Variants in SLCO1C1 observed in about 807,000 individuals in gnomAD.
SLCO1C1 encodes the protein solute carrier organic anion transporter family member 1C1, also known as OAT-RP-5.
In SLCO1C1, 70 loss-of-function variants were observed where a neutral mutation model predicts 76.4. The ratio of observed to expected loss-of-function variants is 0.92; its 90% confidence interval spans 0.76 to 1.12. SLCO1C1 has a LOEUF of 1.12. SLCO1C1 is among the 50% of genes most tolerant of loss of function. The probability of loss-of-function intolerance (pLI) is 0.00; values close to 1 mark genes in which losing one functional copy is unlikely to be tolerated. For synonymous variants in SLCO1C1, 306 were observed against 286.1 expected (o/e 1.07, Z -0.70); for missense variants, 912 against 823.8 (o/e 1.11, Z -1.31).
At chr12:20,721,698 T>TATTTTATGATGTTATAGAGTTTTGCAAG in intron 7 of SLCO1C1, 106 bp from the exon 8 acceptor site, 1 of 1,304,610 alleles carries the variant, frequency 7.7e-7, no homozygotes, top group Non-Finnish European at 1.0e-6. Context: ...AATTATTAGG[T>TATTTTATGATGTTATAGAGTTTTGCAAG]ATTTTATGAT....
rs1279645239 is a variant in SLCO1C1, at chr12:20,723,400, C to G, written c.1186+146C>G. On this transcript the variant is annotated intron_variant, in intron 9 of 14. Coordinates refer to ENST00000266509, the MANE Select transcript of SLCO1C1 (RefSeq NM_017435.5). ...TCAAAAAGTAACAAGAATGTTGTAG[C>G]AAGAATTATTCACATCTGTGGGTAA... The G allele has an allele frequency of 3.0e-6, 3 of 994,402 alleles. No individual in the cohort carries two copies. The East Asian group carries it at 8.1e-5, about 27-fold the overall frequency. 61.6% of individuals were successfully genotyped at this position (994,402 alleles called of 1,614,324 possible).
chr12:20,695,644 C>T lies in SLCO1C1; in HGVS notation c.-189C>T, dbSNP rs2120566601. On this transcript the variant is annotated 5_prime_UTR_variant, in exon 1 of 15. Transcript: ENST00000266509. ...CCATGCCCTTCATCTTTTCTTTTCCCTAATCTCCTCTGCTTGTGTCCACCC... is the reference window on the plus strand; with the variant it reads ...CCATGCCCTTCATCTTTTCTTTTCCTTAATCTCCTCTGCTTGTGTCCACCC... 1 of 152,102 alleles carries T rather than the reference C, an allele frequency of 6.6e-6. No homozygotes were observed. The highest frequency in any genetic ancestry group is 6.6e-5 in the Admixed American group (1 of 15,256). The allele number at this position is 152,102 out of a possible 1,614,324, so 9.4% of individuals were successfully genotyped here.
Position 20,715,236 on chromosome 12 carries a change from T to TG in SLCO1C1, c.628dup (p.Ala210GlyfsTer5), listed in dbSNP as rs1565512183. 6.2e-7 allele frequency: 1 copy of TG among 1,614,090 alleles called. No homozygotes were observed. The highest frequency in any genetic ancestry group is 8.5e-7 in the Non-Finnish European group (1 of 1,179,940). On this transcript the variant is annotated frameshift_variant, in exon 6 of 15. Transcript: ENST00000266509. LOFTEE classifies it high-confidence loss of function. ...AAACTCCCATTCAGCCTTTGGGCATTGCCTACCTGGATGATTTTGCCAGTG... is the reference window on the plus strand; with the variant it reads ...AAACTCCCATTCAGCCTTTGGGCATTGGCCTACCTGGATGATTTTGCCAGTG...
At position 20,711,370 on chromosome 12, in the gene SLCO1C1, C is replaced by T. The variant is rs1265442492; in HGVS notation, c.405-16C>T. On this transcript the variant is annotated splice_polypyrimidine_tract_variant and intron_variant, in intron 4 of 14. Coordinates refer to ENST00000266509, the MANE Select transcript of SLCO1C1 (RefSeq NM_017435.5). ...GTTAATGAGTCTATCATGAAGAAAA[C>T]ATTCCTCTTATGCAGGTACAAATAT... 2 of 1,607,896 alleles carry T rather than the reference C, an allele frequency of 1.2e-6. No individual in the cohort carries two copies. The highest frequency in any genetic ancestry group is 1.1e-5 in the South Asian group (1 of 89,614).
rs1349315712 is a variant in SLCO1C1 at position 20,750,771 on chromosome 12, T to C, written c.1895T>C (p.Leu632Ser). 1 of 1,613,884 alleles carries C rather than the reference T, an allele frequency of 6.2e-7. No individual in the cohort carries two copies. The highest frequency in any genetic ancestry group is 8.5e-7 in the Non-Finnish European group (1 of 1,179,926). ...TGTGGAAGTAGAGGATCATGCAGATTATATGATTCAAATGTCTTCAGGTAC... is the reference window on the plus strand; with the variant it reads ...TGTGGAAGTAGAGGATCATGCAGATCATATGATTCAAATGTCTTCAGGTAC... ...KRCGSRGSCR[L>S]YDSNVFRHIY... The change falls in exon 14 of 15, where the codon TTA (leucine) becomes TCA (serine). Residue 632 changes from leucine (L) to serine (S), a missense_variant. Transcript: ENST00000266509.
intron 14 of SLCO1C1, 103 bp downstream of exon 14, chr12:20,750,895 G>A: frequency 6.2e-7 from 1 of 1,608,990 alleles, no homozygotes; most frequent in South Asian, 1.1e-5. Flanking sequence ...CTGCTTGTAA[G>A]GTAAAGAATA....
chr12:20,716,572 G>T (rs770127754), intron 6 of SLCO1C1, among the ~76,000 whole-genome samples: 1 of 152,188 alleles, frequency 6.6e-6, no homozygotes, highest in African/African-American at 2.4e-5. Flanking sequence ...GGCTATGAAG[G>T]TTGGCCTGAA....
chr12:20,722,540 G>T (rs1947730743), intron 8 of SLCO1C1, among the ~76,000 whole-genome samples: 1 of 152,126 alleles, frequency 6.6e-6, no homozygotes, highest in Non-Finnish European at 1.5e-5. Context: ...CCCTCTTCTT[G>T]TCCCTTCAAG....
intron 4 of SLCO1C1, among the ~76,000 whole-genome samples, chr12:20,709,259 A>G (rs1019383792): frequency 6.6e-6 from 1 of 152,208 alleles, no homozygotes; most frequent in African/African-American, 2.4e-5. Context: ...GACCACATCC[A>G]TAGCTCTCAT....
intron 10 of SLCO1C1, among the ~76,000 whole-genome samples, chr12:20,736,381 C>G (rs1948542279): frequency 6.6e-6 from 1 of 151,836 alleles, no homozygotes; most frequent in Non-Finnish European, 1.5e-5. Context: ...GTAACCATCT[C>G]CTATTCTCCC....
At chr12:20,743,805 GA>G (rs1011565297) in intron 13 of SLCO1C1, among the ~76,000 whole-genome samples, 3 of 151,818 alleles carry the variant, frequency 2.0e-5, no homozygotes, top group South Asian at 2.1e-4. Context: ...TTATTAGGTA[GA>G]AAAATAAGGT....
chr12:20,752,472 A>G lies in SLCO1C1; in HGVS notation c.2083A>G (p.Thr695Ala), dbSNP rs375826278. ...AAGATTCCAAAAGGAAAATTACACT[A>G]CAAGTGATCATCTGCTACAACCCAA... ...STRFQKENYT[T>A]SDHLLQPNYW... Residue 695 changes from threonine (T) to alanine (A), a missense_variant, in exon 15 of 15, where the codon ACA becomes GCA. Physicochemically the swap from Thr to Ala is moderately conservative, Grantham distance 58. Coordinates refer to ENST00000266509, the MANE Select transcript of SLCO1C1 (RefSeq NM_017435.5). The G allele has an allele frequency of 1.2e-6, 2 of 1,612,468 alleles. No homozygotes were observed. Among genetic ancestry groups the G allele is most frequent in the East Asian group, 2.2e-5 (1 of 44,800 alleles).
intron 9 of SLCO1C1, among the ~76,000 whole-genome samples, chr12:20,723,829 C>T (rs1381657987): frequency 2.6e-5 from 4 of 151,906 alleles, no homozygotes; most frequent in Non-Finnish European, 5.9e-5. Context: ...TTCTTTAATC[C>T]ATGAACATGT....
At chr12:20,720,997 C>CAAAAA (rs35297084) in intron 7 of SLCO1C1, among the ~76,000 whole-genome samples, 3 of 43,958 alleles carry the variant, frequency 6.8e-5, no homozygotes, top group Non-Finnish European at 1.2e-4. Flanking sequence ...AACTCCATCT[C>CAAAAA]AAAAAAAAAA....
chr12:20,730,244 C>G (rs1948207382), intron 9 of SLCO1C1, among the ~76,000 whole-genome samples: 1 of 152,130 alleles, frequency 6.6e-6, no homozygotes. Flanking sequence ...CTGTTTGTGT[C>G]AGCTTTGGCT....
chr12:20,720,942 G>C (rs1057465427), intron 7 of SLCO1C1, among the ~76,000 whole-genome samples: 1 of 149,752 alleles, frequency 6.7e-6, no homozygotes, highest in Admixed American at 6.7e-5. Flanking sequence ...GGTTGTGGTG[G>C]GCCGAGATCG....
chr12:20,717,402 GA>G (rs2120719159), intron 7 of SLCO1C1, among the ~76,000 whole-genome samples, 172 bp downstream of exon 7: 1 of 151,854 alleles, frequency 6.6e-6, no homozygotes, highest in African/African-American at 2.4e-5. Context: ...AATGGAATAT[GA>G]AAAATAGGTG....
rs1488353170 is a variant in SLCO1C1 at position 20,706,070 on chromosome 12, C to T, written c.393C>T (p.Phe131=). 5.0e-6 allele frequency: 8 copies of T among 1,611,896 alleles called. No homozygotes were observed. Among genetic ancestry groups the T allele is most frequent in the Non-Finnish European group, 6.8e-6 (8 of 1,178,832 alleles). The part of the protein sequence containing the change: ...VGTLLIAMPQ[F]FMEQYKYERY... ...CACTGCTCATTGCAATGCCTCAGTT[C>T]TTCATGGAGCAGTAAGTCTAAAGCA... Residue 131 remains phenylalanine, a synonymous_variant, in exon 4 of 15, where the codon TTC becomes TTT. Coordinates refer to ENST00000266509, the MANE Select transcript of SLCO1C1 (RefSeq NM_017435.5).
At chr12:20,699,789 T>C in intron 2 of SLCO1C1, 84 bp downstream of exon 2, 1 of 1,374,952 alleles carries the variant, frequency 7.3e-7, no homozygotes, top group Non-Finnish European at 9.6e-7. Context: ...AGAATGAGAA[T>C]TGTTTTCTCC....
Sources: allele counts gnomAD v4.1 joint callset (sites outside exome capture counted in the v4.1 genomes callset), GRCh38; gene constraint gnomAD v4.1.1; transcripts MANE v1.5; gene names NCBI Gene and HGNC (gene_info 2026-07-23, HGNC 2026-07-21).